Variants in LRRTM4 observed in about 807,000 individuals in gnomAD.
LRRTM4 encodes the protein leucine rich repeat transmembrane neuronal 4.
A neutral mutation model predicts 47.6 loss-of-function variants in LRRTM4; 25 were observed. That is an observed-to-expected ratio of 0.53 (90% CI 0.38 to 0.73). LRRTM4 has a LOEUF of 0.73. LRRTM4 is among the 30% of genes least tolerant of loss of function. The pLI, the probability that LRRTM4 is intolerant of heterozygous loss-of-function variation, is 0.00. For missense variants in LRRTM4, 638 were observed against 713.4 expected (o/e 0.89, Z 1.20); for synonymous variants, 311 against 269.5 (o/e 1.15, Z -1.51).
chr2:77,033,349 T>A (rs1678726532), intron 3 of LRRTM4, among the ~76,000 whole-genome samples: 1 of 151,686 alleles, frequency 6.6e-6, no homozygotes, highest in Admixed American at 6.6e-5. Flanking sequence ...AAAATCTTTA[T>A]CGAAGTCTAA....
chr2:76,752,832 A>C (rs1257456769), intron 3 of LRRTM4, among the ~76,000 whole-genome samples: 1 of 152,088 alleles, frequency 6.6e-6, no homozygotes, highest in African/African-American at 2.4e-5. Flanking sequence ...TATTTTTGTA[A>C]ATGTGTTCTC....
At chr2:76,894,528 G>A (rs191765917) in intron 3 of LRRTM4, among the ~76,000 whole-genome samples, 31 of 152,054 alleles carry the variant, frequency 2.0e-4, no homozygotes, top group African/African-American at 7.0e-4. Flanking sequence ...AAAAACAACA[G>A]GTCAGTTGAT....
In LRRTM4 at chr2:76,842,363, G is replaced by A. The variant is rs13414532; in HGVS notation, c.1552-93447C>T. Among the ~76,000 whole-genome samples, 1,129 of 152,238 alleles carry A rather than the reference G, an allele frequency of 7.4e-3. 10 individuals carry two copies. The highest frequency in any genetic ancestry group is 0.026 in the African/African-American group (1,073 of 41,538). On this transcript the variant is annotated intron_variant, in intron 3 of 3. Transcript: ENST00000409884. ...AGTGGAAATTATCCTCTGTAATCAT[G>A]TAAGTCAATAGCTTATAATACATGT...
chr2:77,292,639 C>T (rs1326364450), intron 3 of LRRTM4, among the ~76,000 whole-genome samples: 2 of 136,550 alleles, frequency 1.5e-5, no homozygotes, highest in African/African-American at 2.8e-5. Flanking sequence ...TAGGTGGGAA[C>T]TGAACAATGA....
intron 3 of LRRTM4, among the ~76,000 whole-genome samples, chr2:76,963,242 A>C (rs1445818717): frequency 4.0e-5 from 6 of 150,966 alleles, no homozygotes; most frequent in Non-Finnish European, 5.9e-5. Context: ...ACAATTTTAT[A>C]GACTACAAAC....
intron 3 of LRRTM4, among the ~76,000 whole-genome samples, chr2:77,262,273 A>C (rs1675936786): frequency 6.6e-6 from 1 of 152,066 alleles, no homozygotes; most frequent in Non-Finnish European, 1.5e-5. Context: ...AATGTAATGC[A>C]CTTGAAGCAT....
At chr2:77,351,199 G>A (rs1341429002) in intron 3 of LRRTM4, among the ~76,000 whole-genome samples, 1 of 151,818 alleles carries the variant, frequency 6.6e-6, no homozygotes, top group South Asian at 2.1e-4. Flanking sequence ...GCATTTGTTT[G>A]CTAAGAATAA....
At chr2:76,878,528 A>C (rs929297221) in intron 3 of LRRTM4, among the ~76,000 whole-genome samples, 1 of 152,122 alleles carries the variant, frequency 6.6e-6, no homozygotes, top group African/African-American at 2.4e-5. Flanking sequence ...AAAGTTCTTA[A>C]AGAAAGTTAG....
At chr2:76,852,459 A>T (rs538860422) in intron 3 of LRRTM4, among the ~76,000 whole-genome samples, 1 of 152,310 alleles carries the variant, frequency 6.6e-6, no homozygotes, top group Non-Finnish European at 1.5e-5. Flanking sequence ...TGTAAGTAAA[A>T]ATTATAACAG....
chr2:76,749,012 T>G (rs545681450), intron 3 of LRRTM4, 96 bp from the exon 4 acceptor site: 1 of 909,566 alleles, frequency 1.1e-6, no homozygotes, highest in East Asian at 2.6e-5. Flanking sequence ...TCTTTCATGC[T>G]GTTTCAAGTC....
At chr2:77,345,878 A>G (rs1671542550) in intron 3 of LRRTM4, among the ~76,000 whole-genome samples, 1 of 151,876 alleles carries the variant, frequency 6.6e-6, no homozygotes, top group Non-Finnish European at 1.5e-5. Flanking sequence ...ATTCAAAGAA[A>G]AAATATATAT....
chr2:76,924,769 C>T (rs1024785708), intron 3 of LRRTM4, among the ~76,000 whole-genome samples: 4 of 152,020 alleles, frequency 2.6e-5, no homozygotes, highest in African/African-American at 9.7e-5. Flanking sequence ...GACACACACG[C>T]AGACACACAC....
chr2:77,266,372 G>T (rs1045854554), intron 3 of LRRTM4, among the ~76,000 whole-genome samples: 1 of 151,808 alleles, frequency 6.6e-6, no homozygotes, highest in African/African-American at 2.4e-5. Flanking sequence ...ATAATAACTT[G>T]GTGGAAAAAA....
intron 3 of LRRTM4, among the ~76,000 whole-genome samples, chr2:77,220,751 G>A (rs1440281066): frequency 6.6e-6 from 1 of 152,170 alleles, no homozygotes; most frequent in Non-Finnish European, 1.5e-5. Flanking sequence ...AAAGTGATGG[G>A]GAGAATGGAA....
intron 3 of LRRTM4, among the ~76,000 whole-genome samples, chr2:77,038,973 C>T (rs1246606625): frequency 6.6e-6 from 1 of 151,086 alleles, no homozygotes; most frequent in East Asian, 1.9e-4. Flanking sequence ...ACAGCAATTG[C>T]AATACTAAAG....
At chr2:76,986,673 T>C (rs1329635219) in intron 3 of LRRTM4, among the ~76,000 whole-genome samples, 1 of 151,830 alleles carries the variant, frequency 6.6e-6, no homozygotes, top group Non-Finnish European at 1.5e-5. Context: ...TAAGTTTGGT[T>C]GAAAAGAAAA....
intron 3 of LRRTM4, among the ~76,000 whole-genome samples, chr2:77,286,864 C>G (rs1676678302): frequency 6.6e-6 from 1 of 152,058 alleles, no homozygotes; most frequent in South Asian, 2.1e-4. Context: ...ATTTTATTGA[C>G]TGTCTTAGAT....
intron 3 of LRRTM4, among the ~76,000 whole-genome samples, chr2:77,279,173 A>T (rs1191675147): frequency 2.0e-5 from 3 of 152,002 alleles, no homozygotes; most frequent in Non-Finnish European, 2.9e-5. Flanking sequence ...ATTTCAAGAC[A>T]GTTCCTTTTA....
chr2:76,894,543 C>T (rs900684089), intron 3 of LRRTM4, among the ~76,000 whole-genome samples: 2 of 151,976 alleles, frequency 1.3e-5, no homozygotes, highest in African/African-American at 4.8e-5. Flanking sequence ...GTTGATTATC[C>T]ATATGATTCT....
Sources: allele counts gnomAD v4.1 joint callset (sites outside exome capture counted in the v4.1 genomes callset), GRCh38; gene constraint gnomAD v4.1.1; transcripts MANE v1.5; gene names NCBI Gene and HGNC (gene_info 2026-07-23, HGNC 2026-07-21).